Variants in CYB561A3 observed in about 807,000 individuals in gnomAD.
The protein encoded by CYB561A3 is lysosomal membrane ascorbate-dependent ferrireductase CYB561A3.
A neutral mutation model predicts 25.3 loss-of-function variants in CYB561A3; 16 were observed. That is an observed-to-expected ratio of 0.63 (90% confidence interval 0.43 to 0.96). CYB561A3 has a LOEUF of 0.96. Ranked by LOEUF, CYB561A3 falls within the 40% of genes least tolerant of loss-of-function variation. CYB561A3 has a pLI of 0.00. For missense variants in CYB561A3, 219 were observed against 307.5 expected, an observed-to-expected ratio of 0.71 and a Z score of 2.15; for synonymous variants, 131 against 129.9, an observed-to-expected ratio of 1.01 and a Z score of -0.06.
chr11:61,353,175 A>G (rs763239461), intron 4 of CYB561A3, 36 bp from the exon 5 acceptor site: 76 of 1,554,824 alleles, frequency 4.9e-5, no homozygotes, highest in Non-Finnish European at 6.1e-5. Context: ...CGACTGTGCT[A>G]TGTGTGACCA....
At chr11:61,353,619 C>A (rs1322965513) in intron 4 of CYB561A3, 165 bp downstream of exon 4, 1 of 831,118 alleles carries the variant, frequency 1.2e-6, no homozygotes, top group Non-Finnish European at 2.0e-6. Flanking sequence ...GTTCAGGCCA[C>A]TGACCTCCCA....
chr11:61,356,771 ACCCAGTTCT>A, intron 2 of CYB561A3, 43 bp from the exon 3 acceptor site: 1 of 1,598,202 alleles, frequency 6.3e-7, no homozygotes, highest in South Asian at 1.1e-5. Flanking sequence ...GCTCAGATGC[ACCCAGTTCT>A]CTGGCTAAAG....
chr11:61,353,174 T>C (rs1370140978), intron 4 of CYB561A3, 35 bp from the exon 5 acceptor site: 2 of 1,559,510 alleles, frequency 1.3e-6, no homozygotes, highest in East Asian at 4.5e-5. Context: ...CCGACTGTGC[T>C]ATGTGTGACC....
intron 3 of CYB561A3, 29 bp from the exon 4 acceptor site, chr11:61,354,021 G>A: frequency 6.2e-7 from 1 of 1,611,906 alleles, no homozygotes; most frequent in Non-Finnish European, 8.5e-7. Context: ...CCAGGGCTCA[G>A]CCTCTCCCCT....
rs1322174620 is a variant in CYB561A3 at position 61,349,064 on chromosome 11, G to C, written c.*1335C>G. 6.1e-6 allele frequency: 1 copy of C among 163,170 alleles called. No individual in the cohort carries two copies. Among genetic ancestry groups the C allele is most frequent in the Non-Finnish European group, 1.4e-5 (1 of 73,732 alleles). The allele number at this position is 163,170 out of a possible 1,614,324, so 10.1% of individuals were successfully genotyped here. A position where few individuals can be genotyped will look rare whatever the true frequency, so the allele number is the denominator to read the frequency against. On this transcript the variant is annotated 3_prime_UTR_variant, in exon 7 of 7. Transcript: ENST00000294072. ...GAGAGTAGGTGGGCTCCAAACCCCAGGCTTCTCACTTGCTTACTAAGCACA... is the reference window on the plus strand; with the variant it reads ...GAGAGTAGGTGGGCTCCAAACCCCACGCTTCTCACTTGCTTACTAAGCACA...
At chr11:61,352,660 CAA>C in intron 5 of CYB561A3, 1 of 492,094 alleles carries the variant, frequency 2.0e-6, no homozygotes, top group Non-Finnish European at 2.9e-6. Flanking sequence ...GACTCCATCT[CAA>C]AAAAAAAGAA....
At position 61,350,180 on chromosome 11, in the gene CYB561A3, C is replaced by T. The variant is rs531913173; in HGVS notation, c.*219G>A. ...GGAAAGCAGACAGGCAGCAAGCGGC[C>T]GGAGAGGGCAGGCCCAGCACCCAGG... On this transcript the variant is annotated 3_prime_UTR_variant, in exon 7 of 7. Coordinates refer to ENST00000294072, the MANE Select transcript of CYB561A3 (RefSeq NM_153611.6). 1.1e-4 allele frequency: 69 copies of T among 613,944 alleles called. No individual in the cohort carries two copies. Among genetic ancestry groups the T allele is most frequent in the African/African-American group, 7.6e-4 (41 of 53,990 alleles). 38.0% of individuals were successfully genotyped at this position (613,944 alleles called of 1,614,324 possible).
At chr11:61,359,998 G>GC (rs1453976534) in intron 1 of CYB561A3, 4 of 152,074 alleles carry the variant, frequency 2.6e-5, no homozygotes, top group Admixed American at 2.0e-4. Context: ...TGCAGCCTGT[G>GC]CAACAGAGAT....
intron 3 of CYB561A3, among the ~76,000 whole-genome samples, chr11:61,355,329 A>G (rs1352273147): frequency 6.6e-6 from 1 of 152,184 alleles, no homozygotes; most frequent in Non-Finnish European, 1.5e-5. Flanking sequence ...AATGGGGAAA[A>G]TGAGGCTCAC....
intron 1 of CYB561A3, chr11:61,361,255 T>C (rs1857865426): frequency 6.6e-6 from 1 of 152,270 alleles, no homozygotes; most frequent in East Asian, 1.9e-4. Context: ...GGAATTCGGG[T>C]CCACTCCCTC....
At position 61,353,733 on chromosome 11, in the gene CYB561A3, C is replaced by A. The variant is rs185871031; in HGVS notation, c.393+51G>T. On this transcript the variant is annotated intron_variant, in intron 4 of 6. Transcript: ENST00000294072. ...GGTGCTCATGCAAGTGAACCCCCAA[C>A]CAGAGCTCATGGCTCTGGGAACCTC... is the stretch of plus-strand genomic sequence containing the variant. 2.5e-6 allele frequency: 4 copies of A among 1,596,120 alleles called. No homozygotes were observed. In the Admixed American group the frequency reaches 6.7e-5, roughly 27 times the overall value.
At chr11:61,352,862 C>A in intron 5 of CYB561A3, 123 bp downstream of exon 5, 1 of 1,543,532 alleles carries the variant, frequency 6.5e-7, no homozygotes, top group African/African-American at 1.4e-5. Context: ...CCTTCCAGAT[C>A]AGGAGTGGAC....
intron 1 of CYB561A3, chr11:61,360,815 T>TA (rs1857832594): frequency 6.6e-6 from 1 of 151,456 alleles, no homozygotes; most frequent in Admixed American, 6.6e-5. Flanking sequence ...CCGTCTCTAC[T>TA]AAAAATACAA....
intron 5 of CYB561A3, 90 bp from the exon 6 acceptor site, chr11:61,351,237 G>T: frequency 7.8e-7 from 1 of 1,284,754 alleles, no homozygotes; most frequent in Non-Finnish European, 1.0e-6. Context: ...CAGAGGGTGA[G>T]AAAACCTTCC....
At chr11:61,360,850 C>G (rs1401761332) in intron 1 of CYB561A3, 1 of 152,084 alleles carries the variant, frequency 6.6e-6, no homozygotes. Context: ...CGGTAGCGGG[C>G]GCCTGTAATC....
intron 2 of CYB561A3, chr11:61,357,193 C>A: frequency 6.4e-7 from 1 of 1,551,442 alleles, no homozygotes; most frequent in South Asian, 1.2e-5. Context: ...AGCAAACACC[C>A]CACTATTACC....
intron 2 of CYB561A3, 29 bp from the exon 3 acceptor site, chr11:61,356,757 A>C: frequency 6.2e-7 from 1 of 1,607,812 alleles, no homozygotes; most frequent in South Asian, 1.1e-5. Context: ...ACAAATCTCC[A>C]CTGGCTCAGA....
chr11:61,357,354 C>G, intron 2 of CYB561A3: 1 of 804,990 alleles, frequency 1.2e-6, no homozygotes, highest in Non-Finnish European at 1.9e-6. Context: ...AGCCCTGAGA[C>G]TTCTGCTTTC....
chr11:61,355,285 G>T (rs1456788365), intron 3 of CYB561A3, among the ~76,000 whole-genome samples: 2 of 152,206 alleles, frequency 1.3e-5, no homozygotes, highest in Non-Finnish European at 1.5e-5. Context: ...ATGGTAAGCT[G>T]CTATCATCAA....
Sources: allele counts gnomAD v4.1 joint callset (sites outside exome capture counted in the v4.1 genomes callset), GRCh38; gene constraint gnomAD v4.1.1; transcripts MANE v1.5; gene names NCBI Gene and HGNC (gene_info 2026-07-23, HGNC 2026-07-21).